The following WWP2 variants were observed in gnomAD, a reference collection of about 807,000 sequenced individuals.
WWP2 encodes the protein NEDD4-like E3 ubiquitin-protein ligase WWP2.
Under a neutral mutation model 121.0 loss-of-function variants are expected in WWP2, and 57 were observed. The ratio of observed to expected loss-of-function variants is 0.47; its 90% CI spans 0.38 to 0.59. WWP2 has a LOEUF of 0.59. Ranked by LOEUF, WWP2 falls within the 20% of genes least tolerant of loss-of-function variation. The pLI, the probability that WWP2 is intolerant of heterozygous loss-of-function variation, is 0.00. For synonymous variants in WWP2, 449 were observed against 441.3 expected, an observed-to-expected ratio of 1.02 and a Z score of -0.22; for missense variants, 962 against 1,158.9, an observed-to-expected ratio of 0.83 and a Z score of 2.47.
At chr16:69,844,517 TG>T (rs3842520) in intron 6 of WWP2, among the ~76,000 whole-genome samples, 25,633 of 152,178 alleles carry the variant, frequency 0.17, 2,547 homozygotes, top group East Asian at 0.4. Flanking sequence ...TTAACAAGTT[TG>T]GATCTAAATT....
intron 7 of WWP2, among the ~76,000 whole-genome samples, chr16:69,872,808 G>A (rs1377649606): frequency 1.3e-5 from 2 of 152,186 alleles, no homozygotes; most frequent in Non-Finnish European, 2.9e-5. Flanking sequence ...CCCACACTTG[G>A]CTCTGCTTCC....
intron 23 of WWP2, 150 bp from the exon 24 acceptor site, chr16:69,939,691 A>T (rs779982171): frequency 2.7e-6 from 2 of 743,268 alleles, no homozygotes; most frequent in Non-Finnish European, 2.1e-6. Context: ...CCCATGGTCC[A>T]GGCACCTGCA....
intron 4 of WWP2, among the ~76,000 whole-genome samples, chr16:69,835,169 C>A (rs1278819253): frequency 6.6e-6 from 1 of 152,134 alleles, no homozygotes; most frequent in African/African-American, 2.4e-5. Flanking sequence ...AGCAGGAAGA[C>A]ATACTGGAAG....
rs1046796532 is a variant in WWP2 at position 69,838,803 on chromosome 16, C to CA, written c.341-1322dup. ...AACTGGCTGAAAATAGCAGCAGACTCACTCAGAAAAGAATTGGAGAGATCC... is the reference window on the plus strand; with the variant it reads ...AACTGGCTGAAAATAGCAGCAGACTCAACTCAGAAAAGAATTGGAGAGATCC... On this transcript the variant is annotated intron_variant, in intron 4 of 23. Coordinates refer to ENST00000359154, the MANE Select transcript of WWP2 (RefSeq NM_001270454.2). 7.0e-5 allele frequency: 69 copies of CA among 985,510 alleles called. No homozygotes were observed. The African/African-American group carries it at 1.1e-3, about 16-fold the overall frequency. The allele number at this position is 985,510 out of a possible 1,614,324, so 61.0% of individuals were successfully genotyped here.
intron 16 of WWP2, among the ~76,000 whole-genome samples, chr16:69,932,859 CAGAG>C (rs1161747028): frequency 1.3e-5 from 2 of 152,096 alleles, no homozygotes. Context: ...AGGGCCCCGG[CAGAG>C]AGAGAGAGCG....
intron 7 of WWP2, 140 bp downstream of exon 7, chr16:69,872,071 C>A: frequency 1.5e-6 from 2 of 1,324,354 alleles, no homozygotes; most frequent in Non-Finnish European, 2.0e-6. Flanking sequence ...GATTTGAATC[C>A]ATCAGTCTTT....
At chr16:69,906,461 AG>A (rs1360072250) in intron 8 of WWP2, among the ~76,000 whole-genome samples, 1 of 152,210 alleles carries the variant, frequency 6.6e-6, no homozygotes, top group Non-Finnish European at 1.5e-5. Context: ...AGTGGCAGTG[AG>A]TACAGGTAAT....
intron 4 of WWP2, among the ~76,000 whole-genome samples, chr16:69,836,438 A>C (rs1368014508): frequency 6.6e-6 from 1 of 152,076 alleles, no homozygotes; most frequent in Non-Finnish European, 1.5e-5. Context: ...TTTCATGTGA[A>C]GCATGTGGCA....
rs1003911243 is a variant in WWP2 at position 69,788,401 on chromosome 16, C to T, written c.70+1321C>T. Among the ~76,000 whole-genome samples, 4 of 152,246 alleles carry T rather than the reference C, an allele frequency of 2.6e-5. No homozygotes were observed. In the East Asian group the frequency reaches 5.8e-4, roughly 22 times the overall value. On this transcript the variant is annotated intron_variant, in intron 2 of 23. Coordinates refer to ENST00000359154, the MANE Select transcript of WWP2 (RefSeq NM_001270454.2). The stretch of plus-strand genomic sequence containing the variant: ...GGGTGCTCCATTTCACAGTAGAAGC[C>T]GAAGCTCCCATGTGATGTGACCCTT...
chr16:69,895,655 G>C (rs1567413858), intron 8 of WWP2, among the ~76,000 whole-genome samples: 2 of 152,180 alleles, frequency 1.3e-5, no homozygotes, highest in Non-Finnish European at 2.9e-5. Flanking sequence ...AGCTATTCTG[G>C]AGGCTGAGGC....
intron 10 of WWP2, among the ~76,000 whole-genome samples, chr16:69,923,264 C>G (rs2058589690): frequency 7.9e-6 from 1 of 126,224 alleles, no homozygotes; most frequent in Non-Finnish European, 1.5e-5. Context: ...GTGTCTCTCC[C>G]TTTCCTGTCT....
intron 9 of WWP2, among the ~76,000 whole-genome samples, chr16:69,910,987 AT>A (rs1348765133): frequency 6.6e-5 from 10 of 152,198 alleles, no homozygotes; most frequent in African/African-American, 1.4e-4. Flanking sequence ...TCTAGCTCTC[AT>A]TTCTGCTCTG....
intron 4 of WWP2, among the ~76,000 whole-genome samples, chr16:69,808,493 C>G (rs1443347235): frequency 2.0e-5 from 3 of 152,128 alleles, no homozygotes; most frequent in Non-Finnish European, 4.4e-5. Flanking sequence ...CCTCCACCTC[C>G]CAGGTTCAAG....
intron 13 of WWP2, 127 bp from the exon 14 acceptor site, chr16:69,931,025 C>T: frequency 1.2e-6 from 1 of 828,150 alleles, no homozygotes. Flanking sequence ...TAATGACAGT[C>T]ACTTCCTCAC....
chr16:69,762,935 C>T (rs899408559), intron 1 of WWP2, among the ~76,000 whole-genome samples: 3 of 152,140 alleles, frequency 2.0e-5, no homozygotes, highest in Non-Finnish European at 4.4e-5. Flanking sequence ...GAATCTTGAT[C>T]GTCTTGCTTC....
chr16:69,928,736 C>G (rs923364224), intron 11 of WWP2, among the ~76,000 whole-genome samples: 1 of 151,998 alleles, frequency 6.6e-6, no homozygotes, highest in African/African-American at 2.4e-5. Context: ...ATAGCGAGAC[C>G]CTGTCTTTAT....
At chr16:69,829,016 T>C in intron 4 of WWP2, among the ~76,000 whole-genome samples, 1 of 152,182 alleles carries the variant, frequency 6.6e-6, no homozygotes, top group East Asian at 1.9e-4. Flanking sequence ...TTGGTCCTGT[T>C]CCCGTATTCT....
intron 5 of WWP2, among the ~76,000 whole-genome samples, chr16:69,841,263 C>G (rs891974889): frequency 6.6e-6 from 1 of 152,162 alleles, no homozygotes; most frequent in African/African-American, 2.4e-5. Flanking sequence ...GTAACAAAAG[C>G]TATCAGTGAA....
At chr16:69,915,412 C>CA (rs537268715) in intron 9 of WWP2, among the ~76,000 whole-genome samples, 3 of 152,156 alleles carry the variant, frequency 2.0e-5, no homozygotes, top group African/African-American at 7.2e-5. Context: ...GCAAATATGG[C>CA]AAAAATCAAG....
Sources: allele counts gnomAD v4.1 joint callset (sites outside exome capture counted in the v4.1 genomes callset), GRCh38; gene constraint gnomAD v4.1.1; transcripts MANE v1.5; gene names NCBI Gene and HGNC (gene_info 2026-07-23, HGNC 2026-07-21).